ACAT2: variants seen among roughly 807,000 people sequenced by gnomAD.
The protein encoded by ACAT2 is acetyl-CoA acetyltransferase 2.
A neutral mutation model predicts 37.1 loss-of-function variants in ACAT2; 26 were observed. The ratio of observed to expected loss-of-function variants is 0.70; its 90% confidence interval spans 0.51 to 0.97. The LOEUF is 0.97. ACAT2 is among the 50% of genes least tolerant of loss of function. The pLI, the probability that ACAT2 is intolerant of heterozygous loss-of-function variation, is 0.00. For missense variants in ACAT2, 468 were observed against 489.0 expected (o/e 0.96, Z 0.40); for synonymous variants, 156 against 163.6 (o/e 0.95, Z 0.35).
At chr6:159,771,721 C>G (rs1780339850) in intron 4 of ACAT2, among the ~76,000 whole-genome samples, 1 of 151,816 alleles carries the variant, frequency 6.6e-6, no homozygotes, top group South Asian at 2.1e-4. Context: ...GCCTGCACAC[C>G]TACACTACAA....
intron 4 of ACAT2, among the ~76,000 whole-genome samples, chr6:159,771,464 C>T (rs577408719): frequency 6.6e-6 from 1 of 152,104 alleles, no homozygotes; most frequent in East Asian, 1.9e-4. Context: ...ATAGGAATCT[C>T]ATACATAAGG....
chr6:159,766,641 T>G (rs1435525274), intron 2 of ACAT2, among the ~76,000 whole-genome samples: 1 of 152,212 alleles, frequency 6.6e-6, no homozygotes, highest in Non-Finnish European at 1.5e-5. Flanking sequence ...CCTCAGGTGA[T>G]CTGCCCTCCT....
chr6:159,762,140 T>A lies in ACAT2; in HGVS notation c.53T>A (p.Ile18Lys). ...VVIVSAARTI[I>K]GSFNGALAAV... The stretch of plus-strand genomic sequence containing the variant: ...ATCGTCTCGGCGGCGCGGACCATCA[T>A]AGGTGAGTGGCCGGCGGGAGCCGCG... The change falls in exon 1 of 9, where the codon ATA (isoleucine) becomes AAA (lysine). Residue 18 changes from isoleucine (I) to lysine (K), a missense_variant and splice_region_variant. Physicochemically the swap from Ile to Lys is moderately radical, Grantham distance 102 (BLOSUM62 -3). Transcript: ENST00000367048. The A allele has an allele frequency of 6.2e-7, 1 of 1,611,588 alleles. No individual in the cohort carries two copies. Among genetic ancestry groups the A allele is most frequent in the Non-Finnish European group, 8.5e-7 (1 of 1,178,980 alleles).
intron 3 of ACAT2, among the ~76,000 whole-genome samples, chr6:159,768,073 C>T (rs978679046): frequency 6.6e-6 from 1 of 152,200 alleles, no homozygotes; most frequent in Non-Finnish European, 1.5e-5. Context: ...AGACTGGCCG[C>T]TACTCAGAAA....
intron 4 of ACAT2, among the ~76,000 whole-genome samples, chr6:159,772,327 T>C (rs1780350413): frequency 6.6e-6 from 1 of 152,200 alleles, no homozygotes; most frequent in East Asian, 1.9e-4. Context: ...ACTTACATGC[T>C]CTGATTTTAA....
chr6:159,775,815 T>C lies in ACAT2; in HGVS notation c.635-335T>C, dbSNP rs114960505. The C allele has an allele frequency of 4.1e-3, 1,021 of 247,266 alleles. 12 individuals carry two copies. Among genetic ancestry groups the C allele is most frequent in the African/African-American group, 0.022 (974 of 43,934 alleles). 15.3% of individuals were successfully genotyped at this position (247,266 alleles called of 1,614,324 possible). On this transcript the variant is annotated intron_variant, in intron 5 of 8. Transcript: ENST00000367048. ...TCCTGCCAGCAGTGCACGATTGGCT[T>C]TGAGACTGCCTGATCCACTCACTCG...
intron 1 of ACAT2, 25 bp downstream of exon 1, chr6:159,762,167 A>G (rs777365058): frequency 1.2e-6 from 2 of 1,604,384 alleles, no homozygotes; most frequent in Admixed American, 1.7e-5. Flanking sequence ...GGAGCCGCGC[A>G]GAGTCCGAGG....
Position 159,778,731 on chromosome 6 carries a change from C to G in ACAT2, c.1096C>G (p.Leu366Val). ...ATCTGGCTGTCGAATTCTTGTGACC[C>G]TGTTACACACACTGGAGAGAATGGG... The part of the protein sequence containing the change: ...GASGCRILVT[L>V]LHTLERMGRS... The change falls in exon 9 of 9, where the codon CTG becomes GTG. Residue 366 changes from leucine to valine, a missense_variant. Transcript: ENST00000367048. 1.9e-6 allele frequency: 3 copies of G among 1,614,224 alleles called. No homozygotes were observed. The highest frequency in any genetic ancestry group is 2.5e-6 in the Non-Finnish European group (3 of 1,180,042).
intron 8 of ACAT2, 27 bp downstream of exon 8, chr6:159,778,307 G>A: frequency 6.8e-7 from 1 of 1,476,632 alleles, no homozygotes; most frequent in African/African-American, 1.4e-5. Context: ...AACCCTGAGA[G>A]CTTACCAGTG....
intron 4 of ACAT2, among the ~76,000 whole-genome samples, chr6:159,769,329 AGAGAAG>A (rs1182941437): frequency 3.9e-5 from 6 of 152,238 alleles, no homozygotes; most frequent in Non-Finnish European, 8.8e-5. Context: ...CAGCCACAAC[AGAGAAG>A]GCTATAAAAA....
intron 4 of ACAT2, among the ~76,000 whole-genome samples, chr6:159,774,811 T>C (rs1389130697): frequency 6.6e-6 from 1 of 152,178 alleles, no homozygotes; most frequent in Non-Finnish European, 1.5e-5. Flanking sequence ...TACACTGAAA[T>C]TAAAATTTAA....
intron 1 of ACAT2, chr6:159,762,715 C>A: frequency 6.5e-7 from 1 of 1,529,522 alleles, no homozygotes; most frequent in Non-Finnish European, 8.8e-7. Flanking sequence ...CTGGAGGTCG[C>A]CTGTCCAGCC....
At chr6:159,763,628 C>CTTTTTT (rs1491465110) in intron 2 of ACAT2, among the ~76,000 whole-genome samples, 1 of 104,056 alleles carries the variant, frequency 9.6e-6, no homozygotes, top group African/African-American at 3.6e-5. Flanking sequence ...CTTTTCTTTT[C>CTTTTTT]CTTTTTTTTT....
chr6:159,765,913 C>T (rs1443978735), intron 2 of ACAT2, among the ~76,000 whole-genome samples: 2 of 152,212 alleles, frequency 1.3e-5, no homozygotes, highest in Non-Finnish European at 2.9e-5. Context: ...CCCACAAACT[C>T]TCCAAGGAAG....
Position 159,773,643 on chromosome 6 carries a change from G to A in ACAT2, c.491-1527G>A, listed in dbSNP as rs563943719. Among the ~76,000 whole-genome samples the A allele has an allele frequency of 8.5e-5, 13 of 152,294 alleles. 1 individual carries two copies. In the South Asian group the frequency reaches 2.7e-3, roughly 32 times the overall value. On this transcript the variant is annotated intron_variant, in intron 4 of 8. Transcript: ENST00000367048. ...TGCAAATAAGTTATGATAGTAATGG[G>A]TTGTAACTGCCTAAATTTTGAACAA...
intron 4 of ACAT2, among the ~76,000 whole-genome samples, chr6:159,773,028 A>AT (rs1780362583): frequency 6.6e-6 from 1 of 151,654 alleles, no homozygotes; most frequent in Admixed American, 6.6e-5. Flanking sequence ...AATTTTTTGT[A>AT]TTTTTTGTAG....
At chr6:159,773,523 C>T (rs991900786) in intron 4 of ACAT2, among the ~76,000 whole-genome samples, 3 of 152,180 alleles carry the variant, frequency 2.0e-5, no homozygotes, top group African/African-American at 4.8e-5. Context: ...ACGGGGCTTC[C>T]ACTTTCCTGT....
intron 6 of ACAT2, 114 bp from the exon 7 acceptor site, chr6:159,777,188 G>A (rs769903969): frequency 6.4e-5 from 76 of 1,189,748 alleles, no homozygotes; most frequent in Non-Finnish European, 8.6e-5. Flanking sequence ...TATAGTAAAT[G>A]CCTTAGCCAA....
At chr6:159,769,467 C>G (rs184265163) in intron 4 of ACAT2, among the ~76,000 whole-genome samples, 29 of 152,212 alleles carry the variant, frequency 1.9e-4, no homozygotes, top group Admixed American at 7.2e-4. Context: ...GGTACTCTTC[C>G]AGCCTCCAGA....
Sources: allele counts gnomAD v4.1 joint callset (sites outside exome capture counted in the v4.1 genomes callset), GRCh38; gene constraint gnomAD v4.1.1; transcripts MANE v1.5; gene names NCBI Gene and HGNC (gene_info 2026-07-23, HGNC 2026-07-21).